Variants in AUTS2 observed in about 807,000 individuals in gnomAD.
AUTS2 encodes autism susceptibility gene 2 protein.
Under a neutral mutation model 112.4 loss-of-function variants are expected in AUTS2, and 17 were observed. The observed-to-expected ratio is 0.15, with a 90% CI of 0.10 to 0.23. AUTS2 has a LOEUF of 0.23. Ranked by LOEUF, AUTS2 falls within the 10% of genes least tolerant of loss-of-function variation. The probability of loss-of-function intolerance (pLI) is 1.00; values close to 1 mark genes in which losing one functional copy is unlikely to be tolerated. For synonymous variants in AUTS2, 751 were observed against 702.7 expected (o/e 1.07, Z -1.09); for missense variants, 1,510 against 1,701.6 (o/e 0.89, Z 1.98).
chr7:70,700,376 A>G (rs1472531609), intron 6 of AUTS2, among the ~76,000 whole-genome samples: 1 of 152,056 alleles, frequency 6.6e-6, no homozygotes, highest in African/African-American at 2.4e-5. Context: ...TGCTTGGGAA[A>G]CCATACACAA....
At chr7:70,447,420 G>A (rs1158271038) in intron 5 of AUTS2, among the ~76,000 whole-genome samples, 1 of 152,216 alleles carries the variant, frequency 6.6e-6, no homozygotes, top group Non-Finnish European at 1.5e-5. Flanking sequence ...AGATAAAGAA[G>A]TAACTATTGT....
chr7:70,542,509 G>A (rs985934887), intron 5 of AUTS2, among the ~76,000 whole-genome samples: 8 of 152,184 alleles, frequency 5.3e-5, no homozygotes, highest in African/African-American at 1.2e-4. Context: ...TAGCAGTTAC[G>A]CCAGGGAGAA....
At chr7:69,850,398 CAAAAAAAAAAAAAAAAAAAAAAA>C (rs60553891) in intron 1 of AUTS2, among the ~76,000 whole-genome samples, 3 of 34,680 alleles carry the variant, frequency 8.7e-5, no homozygotes, top group South Asian at 3.4e-3. Context: ...AACTCTGTCT[CAAAAAAAAAAAAAAAAAAAAAAA>C]AAAAAAAAAA....
intron 10 of AUTS2, among the ~76,000 whole-genome samples, chr7:70,769,211 C>T (rs983542395): frequency 2.6e-5 from 4 of 152,146 alleles, no homozygotes; most frequent in Non-Finnish European, 5.9e-5. Flanking sequence ...AGTGATGCCT[C>T]CTCCCCCTCC....
At chr7:69,923,376 A>G (rs1795888822) in intron 2 of AUTS2, among the ~76,000 whole-genome samples, 1 of 152,002 alleles carries the variant, frequency 6.6e-6, no homozygotes, top group South Asian at 2.1e-4. Flanking sequence ...TACTGTCTTT[A>G]TTACTGTAGC....
intron 2 of AUTS2, among the ~76,000 whole-genome samples, chr7:69,920,814 T>C (rs1049696455): frequency 2.0e-5 from 3 of 152,218 alleles, no homozygotes. Context: ...GCATTCTCTG[T>C]GTTTCAAACC....
intron 1 of AUTS2, among the ~76,000 whole-genome samples, chr7:69,604,186 A>G (rs1205417821): frequency 6.6e-6 from 1 of 152,200 alleles, no homozygotes; most frequent in African/African-American, 2.4e-5. Context: ...CTCTGTTTTC[A>G]GGGCTTCCCC....
At chr7:70,163,358 G>GGGGGGGGGGGGGGGGA (rs1808212917) in intron 4 of AUTS2, among the ~76,000 whole-genome samples, 1 of 24,968 alleles carries the variant, frequency 4.0e-5, no homozygotes, top group African/African-American at 1.4e-4. Flanking sequence ...GGGGGGGGGG[G>GGGGGGGGGGGGGGGGA]CAGAGGGGGA....
At chr7:70,679,452 T>G (rs1006376801) in intron 5 of AUTS2, among the ~76,000 whole-genome samples, 7 of 152,332 alleles carry the variant, frequency 4.6e-5, no homozygotes, top group African/African-American at 1.7e-4. Flanking sequence ...GCCCTTAATG[T>G]GACCCAAACT....
At chr7:70,028,334 C>T (rs1800620734) in intron 2 of AUTS2, among the ~76,000 whole-genome samples, 1 of 152,222 alleles carries the variant, frequency 6.6e-6, no homozygotes, top group Admixed American at 6.5e-5. Flanking sequence ...ATGCAGATTT[C>T]TGAGTAGGAG....
intron 5 of AUTS2, among the ~76,000 whole-genome samples, chr7:70,495,403 A>C (rs972675989): frequency 3.3e-5 from 5 of 152,028 alleles, no homozygotes; most frequent in Non-Finnish European, 1.5e-5. Context: ...TATTCCCCTT[A>C]TCTGTCCAAG....
intron 1 of AUTS2, among the ~76,000 whole-genome samples, chr7:69,632,309 C>T (rs1447291875): frequency 6.6e-6 from 1 of 152,124 alleles, no homozygotes; most frequent in Non-Finnish European, 1.5e-5. Flanking sequence ...TATAGCTTTG[C>T]CATTACCCGG....
intron 14 of AUTS2, among the ~76,000 whole-genome samples, chr7:70,777,598 C>CA (rs1481751520): frequency 1.3e-5 from 2 of 152,190 alleles, no homozygotes; most frequent in East Asian, 3.8e-4. Flanking sequence ...CTGAGCCTCC[C>CA]AAGTAGCTGG....
intron 5 of AUTS2, chr7:70,436,525 C>G (rs1429144457): frequency 6.6e-6 from 1 of 152,230 alleles, no homozygotes. Flanking sequence ...GTTCCAATCC[C>G]CAACCAAAGT....
At chr7:70,475,139 A>G (rs1562977852) in intron 5 of AUTS2, among the ~76,000 whole-genome samples, 1 of 151,936 alleles carries the variant, frequency 6.6e-6, no homozygotes, top group African/African-American at 2.4e-5. Flanking sequence ...TCCTGTCTAC[A>G]CTCTCTCTGC....
intron 4 of AUTS2, among the ~76,000 whole-genome samples, chr7:70,355,105 G>GGTGTGT (rs375728125): frequency 1.4e-5 from 2 of 138,350 alleles, no homozygotes; most frequent in East Asian, 2.0e-4. Flanking sequence ...TGTATGTATG[G>GGTGTGT]GTGTGTGTGT....
chr7:69,833,035 G>A (rs1791568177), intron 1 of AUTS2, among the ~76,000 whole-genome samples: 1 of 152,136 alleles, frequency 6.6e-6, no homozygotes, highest in African/African-American at 2.4e-5. Context: ...TAAAAGACGA[G>A]TAATCAGTTA....
At chr7:69,614,312 G>GTCTC (rs551728935) in intron 1 of AUTS2, among the ~76,000 whole-genome samples, 20 of 79,528 alleles carry the variant, frequency 2.5e-4, no homozygotes, top group South Asian at 1.3e-3. Flanking sequence ...GTCACTCTCC[G>GTCTC]TCTCTTTCTT....
chr7:69,883,668 G>T (rs535376551), intron 1 of AUTS2, among the ~76,000 whole-genome samples: 5 of 152,054 alleles, frequency 3.3e-5, no homozygotes. Flanking sequence ...GCCATCCAAG[G>T]CCCAGTTTAA....
Sources: allele counts gnomAD v4.1 joint callset (sites outside exome capture counted in the v4.1 genomes callset), GRCh38; gene constraint gnomAD v4.1.1; transcripts MANE v1.5; gene names NCBI Gene and HGNC (gene_info 2026-07-23, HGNC 2026-07-21).